The following NBEA variants were observed in gnomAD, a reference collection of about 807,000 sequenced individuals.
NBEA encodes lysosomal-trafficking regulator 2.
NBEA carries 44 observed loss-of-function variants against 343.4 expected under a neutral mutation model. The ratio of observed to expected loss-of-function variants is 0.13; its 90% CI spans 0.10 to 0.16. The LOEUF (loss-of-function observed/expected upper bound fraction) is 0.16. Among genes scored for constraint, NBEA ranks in the 10% least tolerant of loss-of-function variants. The pLI is 1.00. For synonymous variants in NBEA, 1,175 were observed against 1,238.7 expected (o/e 0.95, Z 1.08); for missense variants, 2,555 against 3,631.3 (o/e 0.70, Z 7.62).
intron 35 of NBEA, among the ~76,000 whole-genome samples, chr13:35,305,122 A>G (rs1396149704): frequency 2.0e-5 from 3 of 151,978 alleles, no homozygotes; most frequent in Non-Finnish European, 4.4e-5. Context: ...ACTATCCACC[A>G]TTTCCTTCCT....
intron 38 of NBEA, among the ~76,000 whole-genome samples, chr13:35,365,499 T>C (rs1002749889): frequency 1.3e-5 from 2 of 151,668 alleles, no homozygotes; most frequent in East Asian, 1.9e-4. Context: ...TATTAAAATA[T>C]ACATCTACCA....
rs532798202 is a variant in NBEA at position 35,090,493 on chromosome 13, A to G, written c.1572-7804A>G. On this transcript the variant is annotated intron_variant, in intron 10 of 58. Transcript: ENST00000379939. ...TAGCTGGTAAAATTAATGGGTTGCA[A>G]TGGTTCTTGGTTAGAATTATAGGTT... is the stretch of plus-strand genomic sequence containing the variant. Among the ~76,000 whole-genome samples, 275 of 152,092 alleles carry G rather than the reference A, an allele frequency of 1.8e-3. 1 individual carries two copies. The highest frequency in any genetic ancestry group is 0.017 in the Middle Eastern group (5 of 294).
In NBEA at chr13:35,242,598, T is replaced by G. The variant is rs137895236; in HGVS notation, c.5776+9979T>G. On this transcript the variant is annotated intron_variant, in intron 34 of 58. Transcript: ENST00000379939. The stretch of plus-strand genomic sequence containing the variant: ...ATTCAGACACATACAGAGACACATT[T>G]TAATCCAACTACTGAAAGTCAAAGA... 3.9e-5 allele frequency among the ~76,000 whole-genome samples: 6 copies of G among 151,966 alleles called. No individual in the cohort carries two copies. The East Asian group carries it at 7.7e-4, about 20-fold the overall frequency.
At chr13:35,476,989 T>A (rs1283834113) in intron 41 of NBEA, 1 of 190,822 alleles carries the variant, frequency 5.2e-6, no homozygotes. Flanking sequence ...AACCTGCTTG[T>A]CTTTTACCGC....
intron 35 of NBEA, among the ~76,000 whole-genome samples, chr13:35,303,928 C>T (rs978035860): frequency 6.6e-6 from 1 of 152,152 alleles, no homozygotes; most frequent in Non-Finnish European, 1.5e-5. Flanking sequence ...TTCCTCCCAG[C>T]ATTTAGGGCC....
intron 36 of NBEA, among the ~76,000 whole-genome samples, chr13:35,322,731 T>A (rs952456572): frequency 1.3e-5 from 2 of 152,162 alleles, no homozygotes; most frequent in African/African-American, 4.8e-5. Flanking sequence ...ACATATAACC[T>A]TAGACATTGA....
At chr13:35,473,086 A>C (rs539636721) in intron 41 of NBEA, among the ~76,000 whole-genome samples, 1 of 152,368 alleles carries the variant, frequency 6.6e-6, no homozygotes, top group African/African-American at 2.4e-5. Context: ...TATATATGCT[A>C]GCACTCAGAT....
chr13:35,532,891 GTTTT>G (rs917320261), intron 41 of NBEA, among the ~76,000 whole-genome samples: 1 of 148,990 alleles, frequency 6.7e-6, no homozygotes, highest in Non-Finnish European at 1.5e-5. Flanking sequence ...AATTTGTTGA[GTTTT>G]TTTTTTCTAA....
At chr13:35,020,990 A>C (rs529127058) in intron 1 of NBEA, among the ~76,000 whole-genome samples, 2 of 152,246 alleles carry the variant, frequency 1.3e-5, no homozygotes, top group South Asian at 4.1e-4. Context: ...ATGCATTCAC[A>C]TGTAGGATTG....
intron 58 of NBEA, among the ~76,000 whole-genome samples, chr13:35,669,665 T>C (rs1246499862): frequency 6.6e-6 from 1 of 152,232 alleles, no homozygotes; most frequent in Admixed American, 6.5e-5. Flanking sequence ...AAATGATTTG[T>C]GTTTGTAAGC....
chr13:35,338,882 T>A (rs2039422452), intron 36 of NBEA, among the ~76,000 whole-genome samples: 1 of 152,088 alleles, frequency 6.6e-6, no homozygotes, highest in Non-Finnish European at 1.5e-5. Flanking sequence ...ATTGCTGAAA[T>A]GACTGGGAGA....
At chr13:35,273,545 A>G (rs925972236) in intron 34 of NBEA, among the ~76,000 whole-genome samples, 1 of 152,124 alleles carries the variant, frequency 6.6e-6, no homozygotes, top group African/African-American at 2.4e-5. Context: ...GACACAAAAA[A>G]CCCTTCAAAA....
intron 34 of NBEA, among the ~76,000 whole-genome samples, chr13:35,269,059 A>G (rs1264160712): frequency 6.6e-6 from 1 of 152,132 alleles, no homozygotes; most frequent in East Asian, 1.9e-4. Context: ...CCAGATGGAA[A>G]CATGGACACA....
intron 34 of NBEA, among the ~76,000 whole-genome samples, chr13:35,263,207 A>G (rs2033364300): frequency 6.6e-6 from 1 of 152,212 alleles, no homozygotes; most frequent in Non-Finnish European, 1.5e-5. Context: ...GAGTGCCATG[A>G]TCATTCCCTG....
At chr13:35,478,833 C>T (rs2075997341) in intron 41 of NBEA, among the ~76,000 whole-genome samples, 1 of 152,210 alleles carries the variant, frequency 6.6e-6, no homozygotes, top group Non-Finnish European at 1.5e-5. Flanking sequence ...GCAGAACACC[C>T]TTGGTTGTCA....
intron 36 of NBEA, among the ~76,000 whole-genome samples, chr13:35,312,096 G>A (rs950288243): frequency 2.6e-5 from 4 of 152,138 alleles, no homozygotes; most frequent in Admixed American, 2.6e-4. Flanking sequence ...ATAAGAGTTA[G>A]GAATAGAGTT....
At chr13:35,071,156 G>A (rs2063853303) in intron 10 of NBEA, among the ~76,000 whole-genome samples, 1 of 151,982 alleles carries the variant, frequency 6.6e-6, no homozygotes, top group South Asian at 2.1e-4. Flanking sequence ...CTTATCATTT[G>A]CATATACTCA....
At chr13:35,417,372 T>C (rs1314811313) in intron 38 of NBEA, among the ~76,000 whole-genome samples, 1 of 152,172 alleles carries the variant, frequency 6.6e-6, no homozygotes, top group Non-Finnish European at 1.5e-5. Flanking sequence ...TGTGGGCATT[T>C]GGTGCTATAA....
At chr13:35,324,071 G>A (rs499570) in intron 36 of NBEA, among the ~76,000 whole-genome samples, 16,246 of 152,146 alleles carry the variant, frequency 0.11, 992 homozygotes, top group East Asian at 0.22. Context: ...CCTAGAGTTG[G>A]CCTTTGCATT....
Sources: gnomAD v4.1 joint callset for allele counts (sites outside exome capture counted in the v4.1 genomes callset) on GRCh38, gnomAD v4.1.1 for gene constraint, MANE v1.5 for transcripts, NCBI Gene and HGNC (gene_info 2026-07-23, HGNC 2026-07-21) for gene names.